LRRTM4: variants seen among roughly 807,000 people sequenced by gnomAD.
The protein encoded by LRRTM4 is leucine-rich repeat transmembrane neuronal protein 4.
In LRRTM4, 25 loss-of-function variants were observed where a neutral mutation model predicts 47.6. That is an observed-to-expected ratio of 0.53 (90% CI 0.38 to 0.73). The LOEUF (loss-of-function observed/expected upper bound fraction) is 0.73. LRRTM4 is among the 30% of genes least tolerant of loss of function. The pLI, the probability that LRRTM4 is intolerant of heterozygous loss-of-function variation, is 0.00. For missense variants in LRRTM4, 638 were observed against 713.4 expected, an observed-to-expected ratio of 0.89 and a Z score of 1.20; for synonymous variants, 311 against 269.5, an observed-to-expected ratio of 1.15 and a Z score of -1.51.
At chr2:77,001,301 T>C (rs1364007668) in intron 3 of LRRTM4, among the ~76,000 whole-genome samples, 1 of 152,088 alleles carries the variant, frequency 6.6e-6, no homozygotes, top group Non-Finnish European at 1.5e-5. Context: ...GATTATTGTT[T>C]TAGGATTACA....
intron 3 of LRRTM4, among the ~76,000 whole-genome samples, chr2:76,799,507 C>G (rs1558661801): frequency 6.9e-6 from 1 of 144,084 alleles, no homozygotes; most frequent in African/African-American, 2.6e-5. Flanking sequence ...ACTGAATGGG[C>G]AAAAACTGCA....
chr2:77,441,566 A>C (rs1254324877), intron 3 of LRRTM4, among the ~76,000 whole-genome samples: 1 of 152,170 alleles, frequency 6.6e-6, no homozygotes, highest in Non-Finnish European at 1.5e-5. Context: ...CCCTGTTCTC[A>C]CCTGTAAGAT....
At chr2:77,373,843 A>G (rs1009986410) in intron 3 of LRRTM4, among the ~76,000 whole-genome samples, 1 of 151,822 alleles carries the variant, frequency 6.6e-6, no homozygotes, top group Non-Finnish European at 1.5e-5. Context: ...AAGTCTAGGC[A>G]AGAGTGGAAA....
intron 3 of LRRTM4, among the ~76,000 whole-genome samples, chr2:77,014,549 T>C (rs1183567527): frequency 1.3e-5 from 2 of 150,626 alleles, no homozygotes; most frequent in Non-Finnish European, 3.0e-5. Flanking sequence ...CAGTGGCTCA[T>C]GCCTGTAATC....
intron 3 of LRRTM4, among the ~76,000 whole-genome samples, chr2:77,003,609 T>C (rs903465392): frequency 1.3e-5 from 2 of 152,222 alleles, no homozygotes; most frequent in Admixed American, 6.5e-5. Context: ...TTTCTTGCCA[T>C]GTAGAATTAT....
chr2:77,160,457 T>C (rs147820052), intron 3 of LRRTM4, among the ~76,000 whole-genome samples: 1 of 152,056 alleles, frequency 6.6e-6, no homozygotes, highest in Non-Finnish European at 1.5e-5. Flanking sequence ...TATTTTAGTG[T>C]TGAACTTATA....
chr2:76,851,501 T>A (rs1002254855), intron 3 of LRRTM4, among the ~76,000 whole-genome samples: 5 of 152,072 alleles, frequency 3.3e-5, no homozygotes, highest in Admixed American at 3.3e-4. Context: ...CCCTGGCTTG[T>A]CCTTACCGTT....
intron 3 of LRRTM4, among the ~76,000 whole-genome samples, chr2:77,218,373 A>AT (rs529903439): frequency 0.036 from 5,500 of 152,010 alleles, 136 homozygotes; most frequent in Non-Finnish European, 0.054. Flanking sequence ...CTTATTTCAG[A>AT]CTTTTTTTAT....
At chr2:77,044,248 C>T (rs1679154068) in intron 3 of LRRTM4, among the ~76,000 whole-genome samples, 1 of 151,540 alleles carries the variant, frequency 6.6e-6, no homozygotes, top group South Asian at 2.1e-4. Flanking sequence ...AAAGTATATA[C>T]AATTTTAAAG....
chr2:77,217,852 A>G (rs1176069939), intron 3 of LRRTM4, among the ~76,000 whole-genome samples: 1 of 152,226 alleles, frequency 6.6e-6, no homozygotes, highest in Non-Finnish European at 1.5e-5. Context: ...CCTTGATTCC[A>G]AAATAAACAC....
chr2:76,902,928 G>C (rs1348352317), intron 3 of LRRTM4, among the ~76,000 whole-genome samples: 1 of 151,944 alleles, frequency 6.6e-6, no homozygotes, highest in African/African-American at 2.4e-5. Context: ...CTATTTCCAG[G>C]GACTCTGAGT....
chr2:77,518,905 A>C lies in LRRTM4; in HGVS notation c.964T>G (p.Leu322Val). ...TTGAAATTCTTAAGCCAATAAAATA[A>C]AGGACAAATGCTCCGACTGCATTCC... ...MWECSRSICP[L>V]FYWLKNFKGN... The change falls in exon 3 of 4, where the codon TTA (leucine) becomes GTA (valine). Residue 322 changes from leucine to valine, a missense_variant. Coordinates refer to ENST00000409884, the MANE Select transcript of LRRTM4 (RefSeq NM_001134745.3). 1 of 1,607,126 alleles carries C rather than the reference A, an allele frequency of 6.2e-7. No homozygotes were observed. Among genetic ancestry groups the C allele is most frequent in the Non-Finnish European group, 8.5e-7 (1 of 1,176,230 alleles).
intron 3 of LRRTM4, among the ~76,000 whole-genome samples, chr2:77,188,801 A>G (rs1673584259): frequency 1.3e-5 from 2 of 152,166 alleles, no homozygotes; most frequent in South Asian, 4.1e-4. Flanking sequence ...CTATTACACC[A>G]GGTGCTCAAG....
intron 3 of LRRTM4, among the ~76,000 whole-genome samples, chr2:76,942,104 A>G (rs895806061): frequency 5.3e-5 from 8 of 152,064 alleles, no homozygotes; most frequent in Non-Finnish European, 7.4e-5. Flanking sequence ...GTCCACATAA[A>G]TATCTTCTTT....
At chr2:77,104,265 TTC>T (rs1671034728) in intron 3 of LRRTM4, among the ~76,000 whole-genome samples, 1 of 152,166 alleles carries the variant, frequency 6.6e-6, no homozygotes, top group South Asian at 2.1e-4. Context: ...CCCAGTTATT[TTC>T]TCTTACCTGA....
chr2:77,257,910 C>T (rs1190268456), intron 3 of LRRTM4, among the ~76,000 whole-genome samples: 13 of 151,866 alleles, frequency 8.6e-5, no homozygotes, highest in Admixed American at 7.9e-4. Context: ...GCCTGACCAA[C>T]ATGGAGAAAC....
intron 3 of LRRTM4, among the ~76,000 whole-genome samples, chr2:77,028,542 C>CTA (rs1262390117): frequency 6.6e-6 from 1 of 151,866 alleles, no homozygotes; most frequent in Non-Finnish European, 1.5e-5. Flanking sequence ...ATAGAAGGAA[C>CTA]TATACTGTCA....
chr2:77,041,192 C>T (rs1234405562), intron 3 of LRRTM4, among the ~76,000 whole-genome samples: 2 of 151,468 alleles, frequency 1.3e-5, no homozygotes, highest in African/African-American at 2.4e-5. Flanking sequence ...TCTGTGCTTG[C>T]CTTGCTTCAT....
At position 76,769,999 on chromosome 2, in the gene LRRTM4, C is replaced by G. The variant is rs527497298; in HGVS notation, c.1552-21083G>C. Among the ~76,000 whole-genome samples the G allele has an allele frequency of 2.0e-5, 3 of 152,278 alleles. No homozygotes were observed. In the East Asian group the frequency reaches 5.8e-4, roughly 29 times the overall value. On this transcript the variant is annotated intron_variant, in intron 3 of 3. Transcript: ENST00000409884. ...ACTCGATCAAACCTCTGGGCTTGGG[C>G]CCAGGAATCTGTTTGAGCAGGCCTG... is the stretch of plus-strand genomic sequence containing the variant.
Sources: gnomAD v4.1 joint callset for allele counts (sites outside exome capture counted in the v4.1 genomes callset) on GRCh38, gnomAD v4.1.1 for gene constraint, MANE v1.5 for transcripts, NCBI Gene and HGNC (gene_info 2026-07-23, HGNC 2026-07-21) for gene names.